The following FOXP1 variants were observed in gnomAD, a reference collection of about 807,000 sequenced individuals.
FOXP1 encodes the protein forkhead box protein P1.
Under a neutral mutation model 98.2 loss-of-function variants are expected in FOXP1, and 15 were observed. The observed-to-expected ratio is 0.15, with a 90% CI of 0.10 to 0.24. The LOEUF (loss-of-function observed/expected upper bound fraction) is 0.24, where lower values mean the gene tolerates loss of function less well. FOXP1 is among the 10% of genes least tolerant of loss of function. FOXP1 has a pLI of 1.00. For synonymous variants in FOXP1, 371 were observed against 314.5 expected (o/e 1.18, Z -1.90); for missense variants, 633 against 848.5 (o/e 0.75, Z 3.15).
At chr3:71,106,808 C>T (rs1446856836) in intron 7 of FOXP1, among the ~76,000 whole-genome samples, 4 of 147,850 alleles carry the variant, frequency 2.7e-5, no homozygotes, top group Non-Finnish European at 5.9e-5. Flanking sequence ...GGATCTTGCT[C>T]TGTTTCCCAG....
At chr3:71,484,797 G>C (rs2090534664) in intron 3 of FOXP1, among the ~76,000 whole-genome samples, 1 of 152,158 alleles carries the variant, frequency 6.6e-6, no homozygotes, top group Non-Finnish European at 1.5e-5. Flanking sequence ...TTCCCAGGCA[G>C]TGCTGAGATG....
intron 5 of FOXP1, among the ~76,000 whole-genome samples, chr3:71,257,571 G>A (rs1157320499): frequency 7.4e-6 from 1 of 134,922 alleles, no homozygotes; most frequent in Non-Finnish European, 1.6e-5. Flanking sequence ...GGCAACAAGA[G>A]TAAAACTCCA....
At chr3:71,253,039 G>A (rs112494405) in intron 5 of FOXP1, among the ~76,000 whole-genome samples, 2 of 152,290 alleles carry the variant, frequency 1.3e-5, no homozygotes, top group African/African-American at 4.8e-5. Context: ...CAAGGGTGTC[G>A]CTTCATGGCT....
intron 9 of FOXP1, among the ~76,000 whole-genome samples, chr3:71,051,250 C>T (rs1576442767): frequency 6.6e-6 from 1 of 152,114 alleles, no homozygotes; most frequent in African/African-American, 2.4e-5. Flanking sequence ...TATAGCAGCA[C>T]CCGGTAGAGC....
In FOXP1 at chr3:70,958,196, CA is replaced by C. The variant is rs747818299; in HGVS notation, c.*1050del. The C allele has an allele frequency of 0.13, 39,605 of 294,870 alleles. No individual in the cohort carries two copies. The highest frequency in any genetic ancestry group is 0.19 in the South Asian group (5,954 of 31,080). 18.3% of individuals were successfully genotyped at this position (294,870 alleles called of 1,614,324 possible). ...TGGTGGCATTTATTAATGGTTGCTG[CA>C]AAAAAAAAAAAAGAAAAGAAAAGAA... On this transcript the variant is annotated 3_prime_UTR_variant, in exon 21 of 21. Transcript: ENST00000649528.
intron 2 of FOXP1, among the ~76,000 whole-genome samples, chr3:71,516,071 A>C (rs1482038624): frequency 6.6e-6 from 1 of 152,222 alleles, no homozygotes; most frequent in Non-Finnish European, 1.5e-5. Context: ...TGGATTCTGG[A>C]CTAGGCAAAA....
At chr3:71,569,926 G>A (rs1163199760) in intron 2 of FOXP1, among the ~76,000 whole-genome samples, 1 of 152,096 alleles carries the variant, frequency 6.6e-6, no homozygotes, top group African/African-American at 2.4e-5. Flanking sequence ...GGGACTACAG[G>A]CGCCAGCCAC....
chr3:71,404,645 C>T (rs889398419), intron 3 of FOXP1, among the ~76,000 whole-genome samples: 2 of 151,568 alleles, frequency 1.3e-5, no homozygotes, highest in Non-Finnish European at 2.9e-5. Flanking sequence ...CAATAATTTG[C>T]TTGGAATATT....
chr3:71,080,174 T>A (rs1048436155), intron 7 of FOXP1, among the ~76,000 whole-genome samples: 1 of 152,208 alleles, frequency 6.6e-6, no homozygotes, highest in Non-Finnish European at 1.5e-5. Context: ...AACCTGGCAA[T>A]GGTTTCTATA....
At chr3:71,096,330 TG>T (rs1023551036) in intron 7 of FOXP1, among the ~76,000 whole-genome samples, 2 of 152,226 alleles carry the variant, frequency 1.3e-5, no homozygotes, top group African/African-American at 4.8e-5. Context: ...TACACATGCT[TG>T]GGCCCCATCC....
chr3:71,193,861 A>G (rs1220261376), intron 6 of FOXP1, among the ~76,000 whole-genome samples: 2 of 152,192 alleles, frequency 1.3e-5, no homozygotes, highest in East Asian at 1.9e-4. Context: ...TCAATGGTTC[A>G]TTGGAAAAAT....
At chr3:71,066,581 G>A (rs1198149971) in intron 7 of FOXP1, among the ~76,000 whole-genome samples, 1 of 152,206 alleles carries the variant, frequency 6.6e-6, no homozygotes, top group Non-Finnish European at 1.5e-5. Context: ...CTGGCAGAGA[G>A]CCCCAACGGC....
In FOXP1 at chr3:70,981,374, AC is replaced by A. The variant is rs565887210; in HGVS notation, c.1147-3346del. Among the ~76,000 whole-genome samples, 397 of 152,218 alleles carry A rather than the reference AC, an allele frequency of 2.6e-3. 2 individuals carry two copies. Among genetic ancestry groups the A allele is most frequent in the Middle Eastern group, 6.8e-3 (2 of 294 alleles). On this transcript the variant is annotated intron_variant, in intron 14 of 20. Transcript: ENST00000649528. ...GGGCTTACCAGGCTTGACAAATGAC[AC>A]CGTGATTCACACCCACTGCTGGGCT...
intron 17 of FOXP1, 81 bp from the exon 18 acceptor site, chr3:70,972,757 G>T: frequency 7.0e-7 from 1 of 1,423,336 alleles, no homozygotes; most frequent in African/African-American, 1.4e-5. Context: ...CAGCCTAACA[G>T]TCCACATTTG....
chr3:71,018,846 G>C (rs2044944218), intron 11 of FOXP1, among the ~76,000 whole-genome samples: 1 of 152,186 alleles, frequency 6.6e-6, no homozygotes, highest in Non-Finnish European at 1.5e-5. Context: ...TGTAGGAACT[G>C]TTGCTGTGCA....
intron 5 of FOXP1, among the ~76,000 whole-genome samples, chr3:71,201,229 A>G (rs553610521): frequency 6.6e-6 from 1 of 152,368 alleles, no homozygotes; most frequent in South Asian, 2.1e-4. Flanking sequence ...TCAGGTAACA[A>G]GATAATTTGT....
At chr3:71,157,979 T>C (rs2108112727) in intron 6 of FOXP1, among the ~76,000 whole-genome samples, 1 of 151,604 alleles carries the variant, frequency 6.6e-6, no homozygotes, top group Non-Finnish European at 1.5e-5. Context: ...TCCCAGCTAC[T>C]GGGGAGGCTG....
chr3:71,166,758 A>C (rs554146170), intron 6 of FOXP1, among the ~76,000 whole-genome samples: 1 of 152,334 alleles, frequency 6.6e-6, no homozygotes, highest in Admixed American at 6.5e-5. Flanking sequence ...CACAGAAAAT[A>C]CTTTTTTAAT....
intron 6 of FOXP1, among the ~76,000 whole-genome samples, chr3:71,167,089 C>T (rs1233329838): frequency 6.6e-6 from 1 of 151,906 alleles, no homozygotes; most frequent in Non-Finnish European, 1.5e-5. Context: ...CAGTGTTATC[C>T]AGCCAAATTT....
Sources: allele counts gnomAD v4.1 joint callset (sites outside exome capture counted in the v4.1 genomes callset), GRCh38; gene constraint gnomAD v4.1.1; transcripts MANE v1.5; gene names NCBI Gene and HGNC (gene_info 2026-07-23, HGNC 2026-07-21).